The following DRC8 variants were observed in gnomAD, a reference collection of about 807,000 sequenced individuals.
DRC8 encodes dynein regulatory complex subunit 8.
At chr1:245,084,107 G>T in the DRC8 span, among the ~76,000 whole-genome samples, 1 of 117,054 alleles carries the variant, frequency 8.5e-6, no homozygotes, top group Non-Finnish European at 1.6e-5. Context: ...AGACGGATCC[G>T]GTCTTGCTCT....
At chr1:244,981,721 C>T in the DRC8 span, among the ~76,000 whole-genome samples, 1 of 152,280 alleles carries the variant, frequency 6.6e-6, no homozygotes, top group Admixed American at 6.5e-5. Flanking sequence ...TGGAGGCCTG[C>T]AGTCTTAGGC....
chr1:245,124,738 C>G, the DRC8 span: 2 of 151,442 alleles, frequency 1.3e-5, no homozygotes, highest in South Asian at 4.2e-4. Context: ...CGACACCAAC[C>G]AGTTTGAAGA....
the DRC8 span, among the ~76,000 whole-genome samples, chr1:245,048,564 A>G: frequency 2.0e-5 from 3 of 151,874 alleles, no homozygotes; most frequent in African/African-American, 7.3e-5. Context: ...AAACTTCTAA[A>G]CGGTAAGAGT....
chr1:245,114,397 A>G, the DRC8 span, among the ~76,000 whole-genome samples: 2 of 151,958 alleles, frequency 1.3e-5, no homozygotes, highest in African/African-American at 2.4e-5. Context: ...ACCCGGAGGC[A>G]GAGGTTGCAG....
the DRC8 span, among the ~76,000 whole-genome samples, chr1:245,067,465 T>G: frequency 1.6e-4 from 24 of 152,300 alleles, no homozygotes; most frequent in Admixed American, 3.9e-4. Flanking sequence ...TGATAAATAC[T>G]CCCCAGTAAC....
chr1:245,026,800 A>C, the DRC8 span, among the ~76,000 whole-genome samples: 1 of 152,260 alleles, frequency 6.6e-6, no homozygotes, highest in Non-Finnish European at 1.5e-5. Flanking sequence ...TACCATATAT[A>C]TACACTTTAA....
the DRC8 span, among the ~76,000 whole-genome samples, chr1:245,071,743 CAG>C: frequency 1.3e-5 from 2 of 152,148 alleles, no homozygotes; most frequent in African/African-American, 2.4e-5. Flanking sequence ...GGAGAACAAA[CAG>C]AAAGATTTTA....
the DRC8 span, among the ~76,000 whole-genome samples, chr1:244,998,512 C>T: frequency 1.5e-4 from 23 of 152,292 alleles, no homozygotes; most frequent in Non-Finnish European, 1.6e-4. Context: ...CGCCCAGCTC[C>T]CTTACATATA....
At chr1:245,106,158 G>A in the DRC8 span, among the ~76,000 whole-genome samples, 14 of 152,270 alleles carry the variant, frequency 9.2e-5, no homozygotes, top group South Asian at 2.9e-3. Context: ...AGACGTATAA[G>A]CCTCCCTTTG....
chr1:245,049,166 G>A, the DRC8 span, among the ~76,000 whole-genome samples: 1 of 152,040 alleles, frequency 6.6e-6, no homozygotes, highest in African/African-American at 2.4e-5. This position sits in a 1 kb window ranked among gnomAD's most constrained non-coding sequence, Gnocchi z 4.5. Context: ...TGTATTTCTA[G>A]TAGAGACAAA....
At chr1:244,987,978 T>G in the DRC8 span, among the ~76,000 whole-genome samples, 1 of 152,176 alleles carries the variant, frequency 6.6e-6, no homozygotes, top group African/African-American at 2.4e-5. Flanking sequence ...GACTGCTCCT[T>G]TGTATTTATT....
the DRC8 span, among the ~76,000 whole-genome samples, chr1:245,052,754 A>G: frequency 6.6e-6 from 1 of 152,224 alleles, no homozygotes; most frequent in Non-Finnish European, 1.5e-5. Context: ...GAGAGTGAGA[A>G]GGAGGCTTGC....
At chr1:244,998,486 C>T in the DRC8 span, among the ~76,000 whole-genome samples, 1 of 152,224 alleles carries the variant, frequency 6.6e-6, no homozygotes, top group African/African-American at 2.4e-5. Context: ...GCTGGGATTC[C>T]AGGCGTGAGC....
the DRC8 span, among the ~76,000 whole-genome samples, chr1:245,100,798 A>G: frequency 9.3e-6 from 1 of 107,804 alleles, no homozygotes; most frequent in African/African-American, 2.7e-5. Context: ...ATAAATAATA[A>G]TAATAATAAT....
chr1:245,021,653 C>G, the DRC8 span, among the ~76,000 whole-genome samples: 1 of 152,120 alleles, frequency 6.6e-6, no homozygotes, highest in Non-Finnish European at 1.5e-5. Flanking sequence ...CCAGGCTGTT[C>G]TCAAACTCCT....
chr1:245,123,109 A>C, the DRC8 span: 5 of 152,170 alleles, frequency 3.3e-5, no homozygotes, highest in Non-Finnish European at 5.9e-5. The surrounding 1 kb of genome is among the most constrained non-coding windows in gnomAD (Gnocchi z 5.0). Flanking sequence ...AAAAAGCCTC[A>C]CTTTTTATTT....
chr1:244,977,676 A>T, the DRC8 span, among the ~76,000 whole-genome samples: 4 of 152,150 alleles, frequency 2.6e-5, no homozygotes, highest in Non-Finnish European at 5.9e-5. Flanking sequence ...CCAAAAAAAT[A>T]AAAAATAATA....
chr1:245,056,847 G>A, the DRC8 span, among the ~76,000 whole-genome samples: 2 of 146,134 alleles, frequency 1.4e-5, no homozygotes, highest in African/African-American at 5.1e-5. Flanking sequence ...TGAGGCAGGA[G>A]AATTGCTTGA....
chr1:245,062,112 A>G, the DRC8 span, among the ~76,000 whole-genome samples: 1 of 152,204 alleles, frequency 6.6e-6, no homozygotes, highest in African/African-American at 2.4e-5. Context: ...TCTCAAAAAA[A>G]CGAACAAACA....
Sources: allele counts gnomAD v4.1 joint callset (sites outside exome capture counted in the v4.1 genomes callset), GRCh38; gene constraint gnomAD v4.1.1; non-coding constraint Gnocchi (gnomAD v3.1); transcripts MANE v1.5; gene names NCBI Gene and HGNC (gene_info 2026-07-23, HGNC 2026-07-21).